Variants in PRKACB observed in about 807,000 individuals in gnomAD.
The protein encoded by PRKACB is protein kinase cAMP-activated catalytic subunit beta, also known as cAMP-dependent protein kinase catalytic subunit beta.
A neutral mutation model predicts 51.4 loss-of-function variants in PRKACB; 16 were observed. The observed-to-expected ratio is 0.31, with a 90% CI of 0.21 to 0.47. The LOEUF (loss-of-function observed/expected upper bound fraction) is 0.47, where lower values mean the gene tolerates loss of function less well. Ranked by LOEUF, PRKACB falls within the 20% of genes least tolerant of loss-of-function variation. PRKACB has a pLI of 1.00. For missense variants in PRKACB, 309 were observed against 464.5 expected, an observed-to-expected ratio of 0.67 and a Z score of 3.08; for synonymous variants, 147 against 154.4, an observed-to-expected ratio of 0.95 and a Z score of 0.35.
chr1:84,145,265 A>G (rs1010681821), intron 1 of PRKACB, among the ~76,000 whole-genome samples: 11 of 152,246 alleles, frequency 7.2e-5, no homozygotes, highest in Non-Finnish European at 1.5e-4. Context: ...TAAATTGCAC[A>G]TATAAACAAT....
chr1:84,180,823 A>G (rs1039099001), intron 2 of PRKACB, among the ~76,000 whole-genome samples: 3 of 152,034 alleles, frequency 2.0e-5, no homozygotes, highest in Non-Finnish European at 4.4e-5. Flanking sequence ...AAGGAAGATA[A>G]CATATTTTTA....
intron 1 of PRKACB, among the ~76,000 whole-genome samples, chr1:84,133,520 G>A (rs1652470961): frequency 6.6e-6 from 1 of 152,196 alleles, no homozygotes; most frequent in Admixed American, 6.5e-5. Context: ...AATGAAACAG[G>A]AAGTTTTCCC....
At chr1:84,221,606 T>C (rs901255780) in intron 9 of PRKACB, among the ~76,000 whole-genome samples, 18 of 152,064 alleles carry the variant, frequency 1.2e-4, no homozygotes, top group Non-Finnish European at 1.9e-4. Flanking sequence ...TTATATTCCA[T>C]AGGTTTTGGT....
At chr1:84,185,048 A>C (rs1244889335) in intron 4 of PRKACB, 52 bp from the exon 5 acceptor site, 20 of 1,104,696 alleles carry the variant, frequency 1.8e-5, no homozygotes, top group Non-Finnish European at 2.4e-5. Flanking sequence ...ATAATATTAA[A>C]ATAATTTTGA....
intron 1 of PRKACB, among the ~76,000 whole-genome samples, chr1:84,150,671 C>T (rs1024816529): frequency 6.6e-6 from 1 of 152,148 alleles, no homozygotes; most frequent in Non-Finnish European, 1.5e-5. Context: ...CATGCCTGCT[C>T]CCTCTTTGCC....
intron 7 of PRKACB, 56 bp downstream of exon 7, chr1:84,197,880 G>T: frequency 8.2e-7 from 1 of 1,222,356 alleles, no homozygotes; most frequent in South Asian, 1.4e-5. Context: ...GCATCCCTAT[G>T]GACTTTTGTA....
At chr1:84,096,734 ATT>A (rs1416087366) in intron 1 of PRKACB, among the ~76,000 whole-genome samples, 1 of 152,022 alleles carries the variant, frequency 6.6e-6, no homozygotes, top group Non-Finnish European at 1.5e-5. Context: ...CCTTGATAGT[ATT>A]TTTTCTTTTT....
At chr1:84,087,238 TATTTC>T (rs1315810489) in intron 1 of PRKACB, among the ~76,000 whole-genome samples, 1 of 152,226 alleles carries the variant, frequency 6.6e-6, no homozygotes, top group Non-Finnish European at 1.5e-5. Context: ...TATATATACA[TATTTC>T]ATTTAATCTA....
intron 1 of PRKACB, among the ~76,000 whole-genome samples, chr1:84,145,677 T>G (rs1653961213): frequency 6.6e-6 from 1 of 152,094 alleles, no homozygotes; most frequent in Non-Finnish European, 1.5e-5. Context: ...ATTTATAGTC[T>G]TTACTGTATA....
intron 1 of PRKACB, among the ~76,000 whole-genome samples, chr1:84,174,216 C>T (rs1660478844): frequency 6.6e-6 from 1 of 151,866 alleles, no homozygotes; most frequent in South Asian, 2.1e-4. Context: ...AAGTCAGTTG[C>T]TGTTTCCTGG....
intron 9 of PRKACB, among the ~76,000 whole-genome samples, chr1:84,228,768 G>A (rs1675073851): frequency 6.6e-6 from 1 of 152,068 alleles, no homozygotes; most frequent in South Asian, 2.1e-4. Context: ...GCAATTAAAA[G>A]TAAGTCTGAG....
At chr1:84,103,642 T>C (rs1349939938) in intron 1 of PRKACB, among the ~76,000 whole-genome samples, 1 of 152,152 alleles carries the variant, frequency 6.6e-6, no homozygotes, top group African/African-American at 2.4e-5. Context: ...CCCCAGACAT[T>C]GTGGTATAGA....
In PRKACB at chr1:84,207,913, GC is replaced by G. The variant is rs1395938054; in HGVS notation, c.906+5109del. 2.0e-5 allele frequency among the ~76,000 whole-genome samples: 3 copies of G among 152,036 alleles called. No individual in the cohort carries two copies. The East Asian group carries it at 5.8e-4, about 29-fold the overall frequency. ...GATGGAATCTTGCTCTGTTGACCAG[GC>G]TGAAGTGCAGTGGCACAATCTTGGC... On this transcript the variant is annotated intron_variant, in intron 8 of 9. Coordinates refer to ENST00000370685, the MANE Select transcript of PRKACB (RefSeq NM_182948.4).
intron 5 of PRKACB, among the ~76,000 whole-genome samples, chr1:84,189,256 A>G (rs187786607): frequency 2.0e-5 from 3 of 151,882 alleles, no homozygotes; most frequent in Admixed American, 6.6e-5. Flanking sequence ...ATAGAAAAAT[A>G]TGAACAAGAA....
At chr1:84,161,836 C>G (rs1484282012) in intron 1 of PRKACB, among the ~76,000 whole-genome samples, 1 of 151,844 alleles carries the variant, frequency 6.6e-6, no homozygotes, top group African/African-American at 2.4e-5. Flanking sequence ...AACTTTAAGT[C>G]TCTTAAAGAA....
intron 1 of PRKACB, among the ~76,000 whole-genome samples, chr1:84,177,818 A>C (rs1343596694): frequency 6.6e-6 from 1 of 152,036 alleles, no homozygotes. Flanking sequence ...GAATTAGATT[A>C]TATTTGGATG....
chr1:84,216,404 A>G (rs1488934783), intron 9 of PRKACB, among the ~76,000 whole-genome samples: 2 of 152,112 alleles, frequency 1.3e-5, no homozygotes, highest in Admixed American at 6.6e-5. Context: ...AAATGCAGCA[A>G]AAAGAACATA....
upstream of PRKACB, among the ~76,000 whole-genome samples, chr1:84,143,977 T>G (rs1653696735): frequency 1.3e-5 from 2 of 152,270 alleles, no homozygotes; most frequent in South Asian, 4.2e-4. Flanking sequence ...GAGGACAGCT[T>G]GGCCTTCAGT....
At chr1:84,121,870 G>A (rs1651107146) in intron 1 of PRKACB, among the ~76,000 whole-genome samples, 2 of 152,002 alleles carry the variant, frequency 1.3e-5, no homozygotes, top group African/African-American at 4.8e-5. Flanking sequence ...GGGGTCTATA[G>A]GACATAAATG....
Sources: gnomAD v4.1 joint callset for allele counts (sites outside exome capture counted in the v4.1 genomes callset) on GRCh38, gnomAD v4.1.1 for gene constraint, MANE v1.5 for transcripts, NCBI Gene and HGNC (gene_info 2026-07-23, HGNC 2026-07-21) for gene names.